ABL2: variants seen among roughly 807,000 people sequenced by gnomAD.
The protein encoded by ABL2 is tyrosine-protein kinase ABL2.
In ABL2, 49 loss-of-function variants were observed where a neutral mutation model predicts 107.7. The ratio of observed to expected loss-of-function variants is 0.45; its 90% CI spans 0.36 to 0.58. The LOEUF is 0.58. ABL2 is among the 20% of genes least tolerant of loss of function. ABL2 has a pLI of 0.00. For missense variants in ABL2, 1,245 were observed against 1,457.0 expected (o/e 0.85, Z 2.37); for synonymous variants, 549 against 548.6 (o/e 1.00, Z -0.01).
chr1:179,131,107 A>G, intron 3 of ABL2: 1 of 382,040 alleles, frequency 2.6e-6, no homozygotes, highest in East Asian at 4.8e-5. Context: ...CGCCTGACTA[A>G]TTTTTTTCAT....
At chr1:179,217,158 G>A (rs1436812101) in intron 1 of ABL2, among the ~76,000 whole-genome samples, 1 of 150,736 alleles carries the variant, frequency 6.6e-6, no homozygotes, top group Non-Finnish European at 1.5e-5. Context: ...GCTGGGTGTG[G>A]TGGCGTGCAC....
intron 1 of ABL2, among the ~76,000 whole-genome samples, chr1:179,167,041 C>T (rs1659428465): frequency 2.0e-5 from 3 of 152,106 alleles, no homozygotes; most frequent in Admixed American, 2.0e-4. Flanking sequence ...TCCTGCAATC[C>T]CACTACTAGG....
chr1:179,210,448 G>A (rs986073322), intron 1 of ABL2, among the ~76,000 whole-genome samples: 1 of 126,614 alleles, frequency 7.9e-6, no homozygotes, highest in Non-Finnish European at 1.5e-5. Flanking sequence ...ACGTTGCAGT[G>A]AACTGAGATC....
At chr1:179,217,407 C>T (rs1455046814) in intron 1 of ABL2, among the ~76,000 whole-genome samples, 1 of 151,780 alleles carries the variant, frequency 6.6e-6, no homozygotes, top group Non-Finnish European at 1.5e-5. Flanking sequence ...GGATGAGTCA[C>T]CTGAGGTCAG....
intron 1 of ABL2, among the ~76,000 whole-genome samples, chr1:179,203,956 T>C (rs1233345245): frequency 6.6e-6 from 1 of 152,194 alleles, no homozygotes; most frequent in Non-Finnish European, 1.5e-5. Context: ...ATGATAATGA[T>C]ACCTATCTAA....
chr1:179,187,805 T>A (rs2102813707), intron 1 of ABL2, among the ~76,000 whole-genome samples: 1 of 152,284 alleles, frequency 6.6e-6, no homozygotes, highest in East Asian at 1.9e-4. Context: ...TATGGCTATT[T>A]CAGACTCATA....
chr1:179,136,197 G>A lies in ABL2; in HGVS notation c.158-2823C>T, dbSNP rs867149141. Among the ~76,000 whole-genome samples the A allele has an allele frequency of 6.4e-3, 968 of 151,944 alleles. 3 individuals are homozygous for A. The highest frequency in any genetic ancestry group is 0.011 in the Non-Finnish European group (751 of 67,928). On this transcript the variant is annotated intron_variant, in intron 1 of 11. Transcript: ENST00000502732. ...AGCCCCTCTGCCCGGCCACCACCCCGTCTGGGAGGTGTACCCAACAGCTCA... is the reference window on the plus strand; with the variant it reads ...AGCCCCTCTGCCCGGCCACCACCCCATCTGGGAGGTGTACCCAACAGCTCA...
rs767859020 is a variant in ABL2 at position 179,133,383 on chromosome 1, GAA to G, written c.158-11_158-10del. 2.0e-5 allele frequency: 32 copies of G among 1,613,828 alleles called. No individual in the cohort carries two copies. The highest frequency in any genetic ancestry group is 2.7e-5 in the Non-Finnish European group (32 of 1,179,938). ...ACAGCTGGCAAAGTGATCTATTTAA[GAA>G]AAAAATTGACCACGTCACTTTTCTT... is the stretch of plus-strand genomic sequence containing the variant. On this transcript the variant is annotated splice_polypyrimidine_tract_variant and intron_variant, in intron 1 of 11. Transcript: ENST00000502732.
At chr1:179,226,394 C>G (rs1481443591) in intron 1 of ABL2, among the ~76,000 whole-genome samples, 1 of 150,812 alleles carries the variant, frequency 6.6e-6, no homozygotes, top group Non-Finnish European at 1.5e-5. Context: ...CTGCAACCTC[C>G]ACCTCCCGGG....
rs890336032 is a variant in ABL2 at position 179,104,333 on chromosome 1, C to T, written c.*3385G>A. 4.4e-6 allele frequency: 1 copy of T among 226,360 alleles called. No homozygotes were observed. The highest frequency in any genetic ancestry group is 8.8e-6 in the Non-Finnish European group (1 of 113,906). 14.0% of individuals were successfully genotyped at this position (226,360 alleles called of 1,614,324 possible). On this transcript the variant is annotated 3_prime_UTR_variant, in exon 12 of 12. Transcript: ENST00000502732. ...CACTAAACCACTATCTATACTGCAT[C>T]CTTTAAACTCAAAATCTCCATGACT...
rs752952462 is a variant in ABL2, at chr1:179,229,358, G to A, written c.40C>T (p.Leu14Phe). The A allele has an allele frequency of 6.3e-7, 1 of 1,576,746 alleles. No homozygotes were observed. Among genetic ancestry groups the A allele is most frequent in the South Asian group, 1.1e-5 (1 of 87,256 alleles). Residue 14 changes from leucine (L) to phenylalanine (F), a missense_variant, in exon 1 of 12, where the codon CTC (leucine) becomes TTC (phenylalanine). Leu to Phe is a conservative substitution (Grantham distance 22). This residue lies in a region of ABL2 where 164 missense variants were observed against 143.7 expected (regional missense o/e 1.14). Transcript: ENST00000502732. ...QVGRVGEAPGLQQPQPRGIRG... is the reference protein window; with the variant it reads ...QVGRVGEAPGFQQPQPRGIRG... ...ATCCCGCGGGGCTGAGGCTGCTGGA[G>A]CCCCGGAGCTTCCCCGACGCGGCCC...
chr1:179,220,637 A>C (rs916966621), intron 1 of ABL2, among the ~76,000 whole-genome samples: 2 of 152,240 alleles, frequency 1.3e-5, no homozygotes, highest in Admixed American at 6.5e-5. Flanking sequence ...CTAGTGCTTT[A>C]ATCTCTGCTG....
chr1:179,177,638 G>A (rs1191211532), intron 1 of ABL2, among the ~76,000 whole-genome samples: 1 of 152,104 alleles, frequency 6.6e-6, no homozygotes, highest in Non-Finnish European at 1.5e-5. Context: ...TGTAAATCTA[G>A]TATTTCAGGG....
intron 1 of ABL2, among the ~76,000 whole-genome samples, chr1:179,194,281 G>T (rs967722115): frequency 1.3e-5 from 2 of 152,112 alleles, no homozygotes; most frequent in East Asian, 1.9e-4. Context: ...CACGAATTTA[G>T]TAAGTGAAAA....
intron 1 of ABL2, among the ~76,000 whole-genome samples, chr1:179,192,531 T>C (rs1661080729): frequency 6.6e-6 from 1 of 152,198 alleles, no homozygotes; most frequent in South Asian, 2.1e-4. Flanking sequence ...TTCCAAGTCA[T>C]GTTATCATAA....
rs71685132 is a variant in ABL2 at position 179,206,501 on chromosome 1, T to TA, written c.157+22739dup. ...CACAATGAAATGCTATGCATCCATT[T>TA]AAAAAAAAAAAAAAAAGCAAGTTCT... On this transcript the variant is annotated intron_variant, in intron 1 of 11. Transcript: ENST00000502732. Among the ~76,000 whole-genome samples the TA allele has an allele frequency of 7.8e-3, 1,004 of 128,668 alleles. 11 individuals carry two copies. The highest frequency in any genetic ancestry group is 0.019 in the African/African-American group (688 of 35,968). The allele number at this position is 128,668 out of a possible 152,430, so 84.4% of individuals were successfully genotyped here.
At chr1:179,133,750 A>T (rs1470919088) in intron 1 of ABL2, among the ~76,000 whole-genome samples, 3 of 152,234 alleles carry the variant, frequency 2.0e-5, no homozygotes, top group Non-Finnish European at 2.9e-5. Context: ...TACCAAATCC[A>T]CTATATACTA....
At position 179,108,875 on chromosome 1, in the gene ABL2, C is replaced by T. The variant is rs746707880; in HGVS notation, c.2392G>A (p.Ala798Thr). 6.2e-7 allele frequency: 1 copy of T among 1,614,172 alleles called. No individual in the cohort carries two copies. The highest frequency in any genetic ancestry group is 1.1e-5 in the South Asian group (1 of 91,090). Residue 798 changes from alanine (A) to threonine (T), a missense_variant, in exon 12 of 12, where the codon GCA (alanine) becomes ACA (threonine). Around this residue, in one of 3 missense-constraint regions of ABL2, gnomAD observed 761 missense variants for 766.4 expected, o/e 0.99. Coordinates refer to ENST00000502732, the MANE Select transcript of ABL2 (RefSeq NM_007314.4). ...SSGLPEQDRM[A>T]MTLPRNCQRS... ...TGGCAGTTCCTGGGAAGGGTCATTG[C>T]CATCCTATCCTGCTCTGGAAGCCCT... is the stretch of plus-strand genomic sequence containing the variant.
chr1:179,187,171 T>C (rs1660724444), intron 1 of ABL2, among the ~76,000 whole-genome samples: 1 of 152,214 alleles, frequency 6.6e-6, no homozygotes, highest in South Asian at 2.1e-4. Flanking sequence ...AGTTAGTTAT[T>C]AGGAGTTCTG....
Sources: gnomAD v4.1 joint callset for allele counts (sites outside exome capture counted in the v4.1 genomes callset) on GRCh38, gnomAD v4.1.1 for gene constraint, gnomAD v4.1.1 regional missense constraint, MANE v1.5 for transcripts, NCBI Gene and HGNC (gene_info 2026-07-23, HGNC 2026-07-21) for gene names.